Variants in MELTF observed in about 807,000 individuals in gnomAD.
MELTF encodes the protein antigen p97 (melanoma associated) identified by monoclonal antibodies 133.2 and 96.5.
Under a neutral mutation model 83.7 loss-of-function variants are expected in MELTF, and 67 were observed. The observed-to-expected ratio is 0.80, with a 90% CI of 0.66 to 0.98. The LOEUF is 0.98. MELTF is among the 50% of genes least tolerant of loss of function. The pLI is 0.00. For synonymous variants in MELTF, 462 were observed against 447.6 expected (o/e 1.03, Z -0.41); for missense variants, 1,002 against 1,035.6 (o/e 0.97, Z 0.44).
rs1284596777 is a variant in MELTF, at chr3:197,024,656, A to G, written c.305-171T>C. 6.6e-6 allele frequency among the ~76,000 whole-genome samples: 1 copy of G among 152,212 alleles called. No homozygotes were observed. Among genetic ancestry groups the G allele is most frequent in the Non-Finnish European group, 1.5e-5 (1 of 68,038 alleles). ...AAGAGAGCAAGTGGGCTTCATCTGC[A>G]TGTATTAAGAGGCCCTGCCCTCTAG... On this transcript the variant is annotated intron_variant, in intron 3 of 15. Transcript: ENST00000296350. This position sits in a 1 kb window ranked among gnomAD's most constrained non-coding sequence, Gnocchi z 5.3.
chr3:197,024,600 A>C lies in MELTF; in HGVS notation c.305-115T>G. On this transcript the variant is annotated intron_variant, in intron 3 of 15. Transcript: ENST00000296350. The surrounding 1 kb of genome is among the most constrained non-coding windows in gnomAD (Gnocchi z 5.3). ...GTGTGTGCACGGAGCACGGCTGTAC[A>C]CACGGATGTGTGCATAGCGTTCTCG... is the stretch of plus-strand genomic sequence containing the variant. The C allele has an allele frequency of 1.1e-6, 1 of 891,848 alleles. No individual in the cohort carries two copies. Among genetic ancestry groups the C allele is most frequent in the Non-Finnish European group, 1.7e-6 (1 of 600,874 alleles). The allele number at this position is 891,848 out of a possible 1,614,324, so 55.2% of individuals were successfully genotyped here.
intron 10 of MELTF, among the ~76,000 whole-genome samples, 173 bp downstream of exon 10, chr3:197,010,525 A>G (rs1719148720): frequency 1.3e-5 from 2 of 152,220 alleles, no homozygotes; most frequent in Admixed American, 1.3e-4. Flanking sequence ...CGTTTGTTGA[A>G]TAGTTGGGGA....
In MELTF at chr3:197,008,928, C is replaced by T. The variant is rs762615900; in HGVS notation, c.1563G>A (p.Val521=). The T allele has an allele frequency of 5.0e-6, 8 of 1,614,056 alleles. No individual in the cohort carries two copies. In the South Asian group the frequency reaches 8.8e-5, roughly 18 times the overall value. ...AGGAGGGGTAGTTCTTGGGGTTGTT[C>T]ACGGGCACGCAGCTGGCATTGAAGA... ...SEFFNASCVP[V]NNPKNYPSSL... The change falls in exon 12 of 16, where the codon GTG becomes GTA. Residue 521 remains valine (V), a synonymous_variant. Transcript: ENST00000296350. The surrounding 1 kb of genome is among the most constrained non-coding windows in gnomAD (Gnocchi z 5.4).
At chr3:197,014,885 T>C (rs1719304498) in intron 9 of MELTF, among the ~76,000 whole-genome samples, 1 of 152,246 alleles carries the variant, frequency 6.6e-6, no homozygotes, top group Non-Finnish European at 1.5e-5. Flanking sequence ...AAAACATCAG[T>C]ATGTATCTCA....
Position 197,017,139 on chromosome 3 carries a change from A to G in MELTF, c.864T>C (p.Asp288=). Residue 288 remains aspartate (D), a synonymous_variant, in exon 7 of 16, where the codon GAT becomes GAC. Transcript: ENST00000296350. ...AHAVVVRADT[D]GGLIFRLLNE... ...TGAGCAGCCGGAAGATGAGGCCCCC[A>G]TCTGTGTCGGCCCGGACCACCACGG... 6.2e-7 allele frequency: 1 copy of G among 1,612,318 alleles called. No individual in the cohort carries two copies. Among genetic ancestry groups the G allele is most frequent in the Non-Finnish European group, 8.5e-7 (1 of 1,179,716 alleles).
At position 197,022,703 on chromosome 3, in the gene MELTF, C is replaced by T. The variant is rs1422096209; in HGVS notation, c.644+254G>A. ...GCCAAAAGGCTGTTTTTTCCATTTT[C>T]TTCTCTTGGAGCCCTCACCTCACTA... is the stretch of plus-strand genomic sequence containing the variant. On this transcript the variant is annotated intron_variant, in intron 5 of 15. Coordinates refer to ENST00000296350, the MANE Select transcript of MELTF (RefSeq NM_005929.6). The surrounding 1 kb of genome is among the most constrained non-coding windows in gnomAD (Gnocchi z 5.1). Among the ~76,000 whole-genome samples, 1 of 152,162 alleles carries T rather than the reference C, an allele frequency of 6.6e-6. No individual in the cohort carries two copies. The highest frequency in any genetic ancestry group is 6.5e-5 in the Admixed American group (1 of 15,280).
rs754574385 is a variant in MELTF at position 197,010,714 on chromosome 3, G to A, written c.1314C>T (p.Ala438=). Residue 438 remains alanine (A), a synonymous_variant, in exon 10 of 16, where the codon GCC becomes GCT. Transcript: ENST00000296350. ...AGKTYGLVPA[A]GEHYAPEDSS... The stretch of plus-strand genomic sequence containing the variant: ...TGCACTCACGGGCATAGTGCTCCCC[G>A]GCTGCGGGAACCAGGCCGTACGTCT... 1.6e-5 allele frequency: 26 copies of A among 1,613,128 alleles called. No individual in the cohort carries two copies. The Middle Eastern group carries it at 4.9e-4, about 31-fold the overall frequency.
intron 14 of MELTF, chr3:197,004,496 A>G (rs1718907000): frequency 8.0e-6 from 2 of 249,642 alleles, no homozygotes; most frequent in Non-Finnish European, 1.6e-5. Context: ...TCTTACAGAT[A>G]TCTCCCCACA....
intron 5 of MELTF, among the ~76,000 whole-genome samples, 168 bp from the exon 6 acceptor site, chr3:197,021,639 G>A (rs1371162786): frequency 5.9e-5 from 9 of 152,176 alleles, no homozygotes; most frequent in African/African-American, 1.9e-4. Flanking sequence ...TGCCTTTGCC[G>A]AGTTGTGGCC....
At chr3:197,010,661 C>T in intron 10 of MELTF, 37 bp downstream of exon 10, 2 of 1,556,764 alleles carry the variant, frequency 1.3e-6, no homozygotes, top group African/African-American at 1.4e-5. Context: ...ATATCCCCAC[C>T]TCCCGGCTGA....
rs1719994322 is a variant in MELTF at position 197,029,380 on chromosome 3, C to G, written c.49+274G>C. 2.7e-6 allele frequency: 1 copy of G among 367,696 alleles called. No individual in the cohort carries two copies. The highest frequency in any genetic ancestry group is 1.5e-4 in the South Asian group (1 of 6,756). The allele number at this position is 367,696 out of a possible 1,614,324, so 22.8% of individuals were successfully genotyped here. A position where few individuals can be genotyped will look rare whatever the true frequency, so the allele number is the denominator to read the frequency against. ...GGAGCTCCTCTCCACACCCCGAGGCCTCCCCACCACGCCTCAGCCCGCGCT... is the reference window on the plus strand; with the variant it reads ...GGAGCTCCTCTCCACACCCCGAGGCGTCCCCACCACGCCTCAGCCCGCGCT... On this transcript the variant is annotated intron_variant, in intron 1 of 15. Transcript: ENST00000296350. This position sits in a 1 kb window ranked among gnomAD's most constrained non-coding sequence, Gnocchi z 6.5.
rs1234311124 is a variant in MELTF, at chr3:197,006,763, G to A, written c.1751-27C>T. 6.7e-7 allele frequency: 1 copy of A among 1,485,700 alleles called. No individual in the cohort carries two copies. The highest frequency in any genetic ancestry group is 1.4e-5 in the African/African-American group (1 of 69,258). 92.0% of individuals were successfully genotyped at this position (1,485,700 alleles called of 1,614,324 possible). A position where few individuals can be genotyped will look rare whatever the true frequency, so the allele number is the denominator to read the frequency against. On this transcript the variant is annotated intron_variant, in intron 13 of 15. Transcript: ENST00000296350. This position sits in a 1 kb window ranked among gnomAD's most constrained non-coding sequence, Gnocchi z 5.4. ...TGAGGGGGGTAAAGCAGTGTGTGTG[G>A]GGACGTTCCGGGAGTGGAGAGAAGT...
rs116293776 is a variant in MELTF at position 197,026,353 on chromosome 3, C to A, written c.304+307G>T. 3.2e-3 allele frequency: 1,078 copies of A among 335,700 alleles called. 9 individuals carry two copies. The highest frequency in any genetic ancestry group is 0.02 in the African/African-American group (975 of 48,664). The allele number at this position is 335,700 out of a possible 1,614,324, so 20.8% of individuals were successfully genotyped here. A position where few individuals can be genotyped will look rare whatever the true frequency, so the allele number is the denominator to read the frequency against. Reference sequence around the variant, plus strand: ...ACGCCTTGCTCACCCAAGGCAGTTACGCACACAGCACCGTGCCCGGCACCA... The same window carrying A: ...ACGCCTTGCTCACCCAAGGCAGTTAAGCACACAGCACCGTGCCCGGCACCA... On this transcript the variant is annotated intron_variant, in intron 3 of 15. Transcript: ENST00000296350.
intron 2 of MELTF, among the ~76,000 whole-genome samples, chr3:197,027,472 C>T (rs1264343740): frequency 2.6e-5 from 4 of 152,244 alleles, no homozygotes; most frequent in East Asian, 1.9e-4. Flanking sequence ...ACTGAGGGGC[C>T]GCCACCATCT....
In MELTF at chr3:197,015,469, G is replaced by A; in HGVS notation, c.1129C>T (p.Gln377Ter). Residue 377 changes from glutamine to a stop codon, truncating the protein, a stop_gained, in exon 9 of 16, where the codon CAG (glutamine) becomes TAG (stop). Transcript: ENST00000296350. LOFTEE classifies it high-confidence loss of function. ...RWCVLSTPEI[Q>*]KCGDMAVAFR... ...GCCACGGCCATGTCTCCACACTTCT[G>A]GATCTCGGGAGTGGAGAGCACACAC... 1.2e-6 allele frequency: 2 copies of A among 1,611,568 alleles called. No homozygotes were observed. The highest frequency in any genetic ancestry group is 1.7e-6 in the Non-Finnish European group (2 of 1,179,198).
chr3:197,003,493 G>T lies in MELTF; in HGVS notation c.2138-42C>A, dbSNP rs1396283088. On this transcript the variant is annotated intron_variant, in intron 15 of 15. Transcript: ENST00000296350. This position sits in a 1 kb window ranked among gnomAD's most constrained non-coding sequence, Gnocchi z 6.2. Reference sequence around the variant, plus strand: ...CGGGTCAGGCCCCGAAGCCCGGGCCGCGGTGGCCGCCTCAGGCGCCCGCTC... The same window carrying T: ...CGGGTCAGGCCCCGAAGCCCGGGCCTCGGTGGCCGCCTCAGGCGCCCGCTC... The T allele has an allele frequency of 1.2e-4, 108 of 924,730 alleles. 1 individual carries two copies. In the African/African-American group the frequency reaches 1.9e-3, roughly 16 times the overall value. The allele number at this position is 924,730 out of a possible 1,614,324, so 57.3% of individuals were successfully genotyped here.
At position 197,022,974 on chromosome 3, in the gene MELTF, GTCGTAGTA is replaced by G; in HGVS notation, c.619_626del (p.Tyr207LeufsTer52). The G allele has an allele frequency of 3.7e-6, 6 of 1,610,762 alleles. No homozygotes were observed. In the South Asian group the frequency reaches 6.6e-5, roughly 18 times the overall value. On this transcript the variant is annotated frameshift_variant, in exon 5 of 16. Coordinates refer to ENST00000296350, the MANE Select transcript of MELTF (RefSeq NM_005929.6). LOFTEE classifies it high-confidence loss of function. This position sits in a 1 kb window ranked among gnomAD's most constrained non-coding sequence, Gnocchi z 5.1. The stretch of plus-strand genomic sequence containing the variant: ...CCGCTCACCGGAAGGCCCCGCTGTA[GTCGTAGTA>G]TCTCTCCAGGGGGCTCTTGTCACAC...
In MELTF at chr3:197,029,392, C is replaced by T; in HGVS notation, c.49+262G>A. The T allele has an allele frequency of 2.7e-6, 1 of 375,434 alleles. No homozygotes were observed. Among genetic ancestry groups the T allele is most frequent in the Non-Finnish European group, 4.7e-6 (1 of 211,704 alleles). The allele number at this position is 375,434 out of a possible 1,614,324, so 23.3% of individuals were successfully genotyped here. On this transcript the variant is annotated intron_variant, in intron 1 of 15. Coordinates refer to ENST00000296350, the MANE Select transcript of MELTF (RefSeq NM_005929.6). The surrounding 1 kb of genome is among the most constrained non-coding windows in gnomAD (Gnocchi z 6.5). ...CACACCCCGAGGCCTCCCCACCACG[C>T]CTCAGCCCGCGCTTCTCCTTGGAGC...
At chr3:197,027,935 C>A in intron 1 of MELTF, 25 bp from the exon 2 acceptor site, 1 of 1,539,592 alleles carries the variant, frequency 6.5e-7, no homozygotes, top group Non-Finnish European at 8.8e-7. Flanking sequence ...CCGTGAGGCC[C>A]GGCTCCCCCG....
Sources: allele counts gnomAD v4.1 joint callset (sites outside exome capture counted in the v4.1 genomes callset), GRCh38; gene constraint gnomAD v4.1.1; non-coding constraint Gnocchi (gnomAD v3.1); transcripts MANE v1.5; gene names NCBI Gene and HGNC (gene_info 2026-07-23, HGNC 2026-07-21).